Variants in ADAMTS9 observed in about 807,000 individuals in gnomAD.
The protein encoded by ADAMTS9 is A disintegrin and metalloproteinase with thrombospondin motifs 9.
A neutral mutation model predicts 257.1 loss-of-function variants in ADAMTS9; 107 were observed. The ratio of observed to expected loss-of-function variants is 0.42; its 90% confidence interval spans 0.36 to 0.49. ADAMTS9 has a LOEUF of 0.49. Ranked by LOEUF, ADAMTS9 falls within the 20% of genes least tolerant of loss-of-function variation. The pLI is 0.03. For synonymous variants in ADAMTS9, 982 were observed against 880.9 expected, an observed-to-expected ratio of 1.11 and a Z score of -2.03; for missense variants, 2,353 against 2,469.1, an observed-to-expected ratio of 0.95 and a Z score of 1.00.
chr3:64,684,559 G>C (rs1185328186), intron 2 of ADAMTS9, among the ~76,000 whole-genome samples: 3 of 152,250 alleles, frequency 2.0e-5, no homozygotes, highest in Middle Eastern at 6.8e-3. Flanking sequence ...AAAGGGGCAG[G>C]GGTTTTGGAG....
rs1335277132 is a variant in ADAMTS9, at chr3:64,687,625, C to T, written c.33G>A (p.Thr11=). 4 of 1,583,778 alleles carry T rather than the reference C, an allele frequency of 2.5e-6. No homozygotes were observed. Among genetic ancestry groups the T allele is most frequent in the South Asian group, 1.2e-5 (1 of 86,348 alleles). Residue 11 remains threonine (T), a synonymous_variant, in exon 1 of 40, where the codon ACG becomes ACA. Transcript: ENST00000498707. The surrounding 1 kb of genome is among the most constrained non-coding windows in gnomAD (Gnocchi z 4.4). MQFVSWATLL[T]LLVRDLAEMG... ...TCTCGGCCAGGTCCCGCACCAGGAG[C>T]GTTAGCAGTGTGGCCCAGGATACAA...
rs780201945 is a variant in ADAMTS9, at chr3:64,621,229, G to A, written c.2698C>T (p.Arg900Ter). The A allele has an allele frequency of 3.7e-6, 6 of 1,612,746 alleles. No homozygotes were observed. The highest frequency in any genetic ancestry group is 1.7e-5 in the Admixed American group (1 of 59,860). The change falls in exon 19 of 40, where the codon CGA (arginine) becomes TGA (stop). Residue 900 changes from arginine (R) to a stop codon, truncating the protein, a stop_gained. Transcript: ENST00000498707. LOFTEE classifies it high-confidence loss of function. ...GATTCCCTGGTGCAAACAAGTTTTC[G>A]TTTCCGTTCCCCTAAGCAGAAAGGG... ...CSKPCQGERK[R>*]KLVCTRESDQ...
intron 11 of ADAMTS9, among the ~76,000 whole-genome samples, chr3:64,644,335 A>G (rs1700732695): frequency 6.6e-6 from 1 of 152,218 alleles, no homozygotes; most frequent in Admixed American, 6.5e-5. Flanking sequence ...AAATATAGAC[A>G]AGACTTAACA....
At chr3:64,609,062 T>C (rs1330725961) in intron 22 of ADAMTS9, among the ~76,000 whole-genome samples, 1 of 151,742 alleles carries the variant, frequency 6.6e-6, no homozygotes, top group Non-Finnish European at 1.5e-5. Context: ...TATGACAAAA[T>C]TCAACATCTT....
intron 16 of ADAMTS9, among the ~76,000 whole-genome samples, chr3:64,629,473 C>T (rs899923942): frequency 1.3e-5 from 2 of 152,216 alleles, no homozygotes; most frequent in Non-Finnish European, 2.9e-5. Context: ...TTCCCTACTT[C>T]AAGGACTTTG....
intron 28 of ADAMTS9, chr3:64,586,793 T>G (rs149629140): frequency 1.3e-5 from 2 of 152,278 alleles, no homozygotes; most frequent in East Asian, 3.9e-4. Flanking sequence ...CAACTCGGTT[T>G]CTTCTGATGT....
chr3:64,646,940 G>C (rs762782254), intron 11 of ADAMTS9, among the ~76,000 whole-genome samples: 1 of 152,134 alleles, frequency 6.6e-6, no homozygotes, highest in Non-Finnish European at 1.5e-5. Context: ...TTGTCTATAA[G>C]ATCAGGGAAC....
chr3:64,542,430 CTTTTT>C (rs56812239), intron 32 of ADAMTS9, among the ~76,000 whole-genome samples: 1 of 124,564 alleles, frequency 8.0e-6, no homozygotes, highest in African/African-American at 3.0e-5. Context: ...TTCTTTCTTT[CTTTTT>C]TTTTTTTTTG....
At chr3:64,520,495 C>A (rs74938898) in intron 39 of ADAMTS9, among the ~76,000 whole-genome samples, 1,555 of 152,174 alleles carry the variant, frequency 0.01, 56 homozygotes, top group East Asian at 0.067. Flanking sequence ...CAATCCTAAG[C>A]AAAAAGAACG....
At chr3:64,621,012 G>A (rs1016129947) in intron 19 of ADAMTS9, 102 bp downstream of exon 19, 16 of 1,393,772 alleles carry the variant, frequency 1.1e-5, no homozygotes, top group Non-Finnish European at 1.5e-5. Context: ...ACAAGAAAGG[G>A]GAACTAAAGA....
chr3:64,527,703 A>T (rs929453930), intron 38 of ADAMTS9, among the ~76,000 whole-genome samples: 3 of 152,152 alleles, frequency 2.0e-5, no homozygotes, highest in Admixed American at 6.5e-5. Context: ...ATATATGAAC[A>T]TATGCATAAA....
chr3:64,562,000 G>T (rs182695434), intron 29 of ADAMTS9, among the ~76,000 whole-genome samples: 2 of 152,282 alleles, frequency 1.3e-5, no homozygotes, highest in African/African-American at 4.8e-5. Context: ...TCAAGTTAAT[G>T]TAATTCTTAG....
chr3:64,575,797 A>G (rs1037567236), intron 28 of ADAMTS9, among the ~76,000 whole-genome samples: 1 of 152,230 alleles, frequency 6.6e-6, no homozygotes, highest in African/African-American at 2.4e-5. Flanking sequence ...GAGACAATGC[A>G]TGCAAAGCTC....
At chr3:64,558,862 A>G (rs1409608375) in intron 30 of ADAMTS9, among the ~76,000 whole-genome samples, 1 of 152,164 alleles carries the variant, frequency 6.6e-6, no homozygotes, top group Non-Finnish European at 1.5e-5. Flanking sequence ...GTGGGCTGAG[A>G]GGCTGCCCTG....
rs377469640 is a variant in ADAMTS9 at position 64,658,565 on chromosome 3, G to A, written c.906C>T (p.Asp302=). ...PRFVEVLVVA[D]NRMVSYHGEN... ...CTCCATGGTATGAAACCATTCTGTT[G>A]TCTGCCACCACCAAGACTTCTACAA... The change falls in exon 4 of 40, where the codon GAC becomes GAT. Residue 302 remains aspartate (D), a synonymous_variant. Coordinates refer to ENST00000498707, the MANE Select transcript of ADAMTS9 (RefSeq NM_182920.2). The A allele has an allele frequency of 1.7e-5, 27 of 1,613,898 alleles. No homozygotes were observed. In the African/African-American group the frequency reaches 3.2e-4, roughly 19 times the overall value.
intron 23 of ADAMTS9, among the ~76,000 whole-genome samples, chr3:64,605,366 A>T (rs2084537960): frequency 6.6e-6 from 1 of 152,196 alleles, no homozygotes; most frequent in African/African-American, 2.4e-5. Flanking sequence ...CATCATTTGG[A>T]ACATTTCAAT....
chr3:64,604,772 C>A (rs1368019336), intron 23 of ADAMTS9, among the ~76,000 whole-genome samples: 2 of 152,062 alleles, frequency 1.3e-5, no homozygotes, highest in African/African-American at 4.8e-5. Flanking sequence ...CCTGTTTGCC[C>A]AAAGATAACA....
intron 30 of ADAMTS9, among the ~76,000 whole-genome samples, chr3:64,560,360 G>A (rs2083399735): frequency 1.3e-5 from 2 of 152,210 alleles, no homozygotes; most frequent in African/African-American, 4.8e-5. Context: ...AGTAGATGGA[G>A]AGGGTGAGTT....
chr3:64,593,560 T>A (rs2084300378), intron 28 of ADAMTS9, among the ~76,000 whole-genome samples: 1 of 152,164 alleles, frequency 6.6e-6, no homozygotes. Context: ...TGCATCATAT[T>A]TACAGTGGCA....
Sources: gnomAD v4.1 joint callset for allele counts (sites outside exome capture counted in the v4.1 genomes callset) on GRCh38, gnomAD v4.1.1 for gene constraint, Gnocchi (gnomAD v3.1) non-coding constraint, MANE v1.5 for transcripts, NCBI Gene and HGNC (gene_info 2026-07-23, HGNC 2026-07-21) for gene names.